Variants in ART3 observed in about 807,000 individuals in gnomAD.
ART3 encodes ADP-ribosyltransferase 3 (inactive).
In ART3, 49 loss-of-function variants were observed where a neutral mutation model predicts 48.5. That is an observed-to-expected ratio of 1.01 (90% CI 0.80 to 1.28). ART3 has a LOEUF of 1.28. Ranked by LOEUF, ART3 falls within the 50% of genes most tolerant of loss-of-function variation. ART3 has a pLI of 0.00. For synonymous variants in ART3, 145 were observed against 157.2 expected (o/e 0.92, Z 0.58); for missense variants, 438 against 454.3 (o/e 0.96, Z 0.33).
intron 10 of ART3, chr4:76,105,512 T>C (rs749119612): frequency 3.9e-6 from 5 of 1,288,662 alleles, no homozygotes; most frequent in Non-Finnish European, 4.0e-6. Flanking sequence ...AAAACCTCTT[T>C]CTTGTTTAGG....
chr4:76,061,132 C>T (rs970184686), intron 1 of ART3, among the ~76,000 whole-genome samples: 1 of 152,216 alleles, frequency 6.6e-6, no homozygotes, highest in African/African-American at 2.4e-5. Flanking sequence ...AAATGACTAT[C>T]TCAGATCTTT....
At chr4:76,072,480 T>C (rs1477849332), upstream of ART3, among the ~76,000 whole-genome samples, 1 of 151,804 alleles carries the variant, frequency 6.6e-6, no homozygotes, top group East Asian at 1.9e-4. Context: ...TACACACACA[T>C]CTACTTCTCA....
chr4:76,051,894 CTCTCTTTTTTTTT>C (rs1279961379), intron 1 of ART3, among the ~76,000 whole-genome samples: 2 of 111,216 alleles, frequency 1.8e-5, no homozygotes, highest in South Asian at 3.0e-4. Flanking sequence ...ATCTCTCTCT[CTCTCTTTTTTTTT>C]TTTTTTTTTT....
chr4:76,030,126 G>A lies in ART3; in HGVS notation c.-10+18806G>A, dbSNP rs532704227. Among the ~76,000 whole-genome samples, 10 of 152,190 alleles carry A rather than the reference G, an allele frequency of 6.6e-5. No individual in the cohort carries two copies. In the South Asian group the frequency reaches 1.2e-3, roughly 19 times the overall value. ...GGCTGGAGTGCAATGACGCGATCTCGGCTCACTGCAACCTCCACCTCCCGG... is the reference window on the plus strand; with the variant it reads ...GGCTGGAGTGCAATGACGCGATCTCAGCTCACTGCAACCTCCACCTCCCGG... On this transcript the variant is annotated intron_variant, in intron 1 of 9. Coordinates refer to the ART3 transcript ENST00000341029.
chr4:76,081,580 C>T (rs1217633474), intron 2 of ART3, among the ~76,000 whole-genome samples: 4 of 152,186 alleles, frequency 2.6e-5, no homozygotes, highest in East Asian at 1.9e-4. Context: ...AAATGAGCTA[C>T]AGGCACAATC....
chr4:76,023,302 G>T (rs1028356344), intron 1 of ART3: 1 of 1,220,998 alleles, frequency 8.2e-7, no homozygotes, highest in Non-Finnish European at 1.2e-6. Context: ...CATTATTTCT[G>T]TATTTTTAGA....
chr4:76,107,883 C>A, intron 11 of ART3, 90 bp downstream of exon 11: 2 of 1,109,054 alleles, frequency 1.8e-6, no homozygotes, highest in South Asian at 1.6e-5. Context: ...ATAAAGGGAA[C>A]AAAGTTGCAA....
chr4:76,067,854 G>A (rs1026647165), intron 1 of ART3, among the ~76,000 whole-genome samples: 39 of 152,282 alleles, frequency 2.6e-4, no homozygotes, highest in African/African-American at 8.9e-4. Flanking sequence ...GACCTCTAGC[G>A]GTCATTGGCC....
At position 76,085,651 on chromosome 4, in the gene ART3, C is replaced by T. The variant is rs150076576; in HGVS notation, c.781+3116C>T. On this transcript the variant is annotated intron_variant, in intron 3 of 11. Coordinates refer to ENST00000355810, the MANE Select transcript of ART3 (RefSeq NM_001130016.3). ...AAGATAGGGGAAAAAAGACAAAAGA[C>T]GAGATGAGAAATGCTGGCTAGGGTT... Among the ~76,000 whole-genome samples the T allele has an allele frequency of 2.5e-3, 376 of 152,168 alleles. 2 individuals carry two copies. Among genetic ancestry groups the T allele is most frequent in the African/African-American group, 8.6e-3 (356 of 41,518 alleles).
chr4:76,015,744 T>G (rs1029149661), intron 1 of ART3, among the ~76,000 whole-genome samples: 1 of 152,224 alleles, frequency 6.6e-6, no homozygotes, highest in Non-Finnish European at 1.5e-5. Flanking sequence ...TCCTCCCACC[T>G]CAGCCTCTCG....
intron 1 of ART3, among the ~76,000 whole-genome samples, chr4:76,026,326 T>C (rs1211797447): frequency 6.6e-6 from 1 of 152,158 alleles, no homozygotes; most frequent in Admixed American, 6.5e-5. Context: ...TGTCTGTTTC[T>C]CCATGCTAAA....
chr4:76,076,104 A>G (rs1721013021), intron 2 of ART3, 146 bp downstream of exon 2: 12 of 685,458 alleles, frequency 1.8e-5, no homozygotes, highest in Non-Finnish European at 2.7e-5. Context: ...TCCCAGGTTC[A>G]TGCCATTTTC....
chr4:76,091,946 G>A (rs1725001408), intron 3 of ART3, among the ~76,000 whole-genome samples: 1 of 152,172 alleles, frequency 6.6e-6, no homozygotes. Context: ...GCCTCCCAAA[G>A]TGCTGGGATT....
intron 1 of ART3, among the ~76,000 whole-genome samples, chr4:76,045,306 G>A (rs1267741162): frequency 1.3e-5 from 2 of 152,042 alleles, no homozygotes; most frequent in African/African-American, 4.8e-5. Flanking sequence ...TGGCAGGGTT[G>A]AGGGCCACGC....
intron 5 of ART3, chr4:76,099,517 A>G (rs1022373948): frequency 4.8e-5 from 8 of 166,604 alleles, no homozygotes; most frequent in African/African-American, 1.7e-4. Flanking sequence ...TTTTCCGGGG[A>G]ATACGGGTGG....
intron 3 of ART3, among the ~76,000 whole-genome samples, chr4:76,089,112 A>T (rs151179299): frequency 6.6e-6 from 1 of 152,210 alleles, no homozygotes; most frequent in Admixed American, 6.5e-5. Flanking sequence ...TATTCTTAAC[A>T]ATAATTACTT....
chr4:76,049,828 T>C (rs1412915986), intron 1 of ART3, among the ~76,000 whole-genome samples: 1 of 151,974 alleles, frequency 6.6e-6, no homozygotes, highest in Non-Finnish European at 1.5e-5. Context: ...TCTCGCTGAC[T>C]TCAAGAATGA....
chr4:76,052,716 TTC>T lies in ART3; in HGVS notation c.-9-23163_-9-23162del, dbSNP rs1491008406. ...TGCGTGTACCCAATTTCTTTTTTCC[TTC>T]TTTTTTTTTTTTTTAAGACAGAGTC... On this transcript the variant is annotated intron_variant, in intron 1 of 9. Transcript: ENST00000341029. 8.8e-5 allele frequency among the ~76,000 whole-genome samples: 8 copies of T among 90,804 alleles called. No individual in the cohort carries two copies. The South Asian group carries it at 1.0e-3, about 12-fold the overall frequency. 59.6% of individuals were successfully genotyped at this position (90,804 alleles called of 152,430 possible).
Position 76,082,300 on chromosome 4 carries a change from T to C in ART3, c.546T>C (p.His182=). 3 of 1,614,220 alleles carry C rather than the reference T, an allele frequency of 1.9e-6. No homozygotes were observed. The Admixed American group carries it at 5.0e-5, about 27-fold the overall frequency. ...FGGLNQARFG[H]FTLAYSAKPQ... ...GGCTAAACCAAGCCAGGTTTGGCCA[T>C]TTTACCTTGGCATATTCAGCCAAAC... Residue 182 remains histidine (H), a synonymous_variant, in exon 3 of 12, where the codon CAT becomes CAC. Transcript: ENST00000355810.
Sources: allele counts gnomAD v4.1 joint callset (sites outside exome capture counted in the v4.1 genomes callset), GRCh38; gene constraint gnomAD v4.1.1; transcripts MANE v1.5; gene names NCBI Gene and HGNC (gene_info 2026-07-23, HGNC 2026-07-21).